The following PRKD1 variants were observed in gnomAD, a reference collection of about 807,000 sequenced individuals.
PRKD1 encodes the protein protein kinase D1.
Under a neutral mutation model 95.9 loss-of-function variants are expected in PRKD1, and 63 were observed. The ratio of observed to expected loss-of-function variants is 0.66; its 90% CI spans 0.54 to 0.81. The LOEUF (loss-of-function observed/expected upper bound fraction) is 0.81. PRKD1 is among the 30% of genes least tolerant of loss of function. PRKD1 has a pLI of 0.00. For synonymous variants in PRKD1, 425 were observed against 423.1 expected, an observed-to-expected ratio of 1.00 and a Z score of -0.05; for missense variants, 1,048 against 1,165.3, an observed-to-expected ratio of 0.90 and a Z score of 1.47.
intron 1 of PRKD1, among the ~76,000 whole-genome samples, chr14:29,759,166 G>C (rs2139482263): frequency 6.6e-6 from 1 of 152,216 alleles, no homozygotes; most frequent in Non-Finnish European, 1.5e-5. Context: ...ATTATATTGA[G>C]ATTAGGTGCA....
intron 1 of PRKD1, among the ~76,000 whole-genome samples, chr14:29,885,981 A>T (rs925243077): frequency 1.8e-4 from 27 of 149,658 alleles, no homozygotes; most frequent in African/African-American, 6.1e-4. Flanking sequence ...AATAAAAAAT[A>T]AAAAAATAAA....
At chr14:29,656,541 C>T (rs1331964365) in intron 4 of PRKD1, 1 of 1,527,020 alleles carries the variant, frequency 6.5e-7, no homozygotes, top group Non-Finnish European at 8.8e-7. Context: ...GGCAAAGGTG[C>T]AGAATCAAAG....
chr14:29,764,886 A>G (rs1888188467), intron 1 of PRKD1, among the ~76,000 whole-genome samples: 2 of 152,212 alleles, frequency 1.3e-5, no homozygotes, highest in Admixed American at 6.5e-5. Context: ...AGATGACCAA[A>G]ATTAAAGTCT....
At chr14:29,654,757 C>G (rs1881739588) in intron 4 of PRKD1, among the ~76,000 whole-genome samples, 1 of 152,160 alleles carries the variant, frequency 6.6e-6, no homozygotes, top group Non-Finnish European at 1.5e-5. Flanking sequence ...AAAGTGTAAA[C>G]TGACCAGGAC....
In PRKD1 at chr14:29,636,628, T is replaced by C. The variant is rs905676766; in HGVS notation, c.986-134A>G. ...GTTCTGTGATGAGTTTATTTTTTAT[T>C]TTTTAACTTTTATTTTAAGTTTAGG... On this transcript the variant is annotated intron_variant, in intron 6 of 17. Coordinates refer to ENST00000331968, the MANE Select transcript of PRKD1 (RefSeq NM_002742.3). The C allele has an allele frequency of 3.5e-6, 3 of 865,574 alleles. No individual in the cohort carries two copies. In the South Asian group the frequency reaches 5.4e-5, roughly 16 times the overall value. 53.6% of individuals were successfully genotyped at this position (865,574 alleles called of 1,614,324 possible). A position where few individuals can be genotyped will look rare whatever the true frequency, so the allele number is the denominator to read the frequency against.
chr14:29,833,473 C>T (rs1042338364), intron 1 of PRKD1, among the ~76,000 whole-genome samples: 2 of 152,116 alleles, frequency 1.3e-5, no homozygotes, highest in Admixed American at 1.3e-4. Context: ...TTCAGCTACC[C>T]AAAATGGGAT....
At chr14:29,704,987 G>A (rs1038869088) in intron 2 of PRKD1, among the ~76,000 whole-genome samples, 33 of 151,990 alleles carry the variant, frequency 2.2e-4, no homozygotes, top group Admixed American at 3.3e-4. Context: ...AATTACCACT[G>A]CATAAAATGC....
chr14:29,686,402 C>CT (rs1377670758), intron 2 of PRKD1, among the ~76,000 whole-genome samples: 3 of 152,168 alleles, frequency 2.0e-5, no homozygotes, highest in Non-Finnish European at 2.9e-5. Context: ...TCTAGCTACT[C>CT]TTGTTAGTCA....
At chr14:29,685,820 A>T (rs1883832067) in intron 2 of PRKD1, among the ~76,000 whole-genome samples, 1 of 152,120 alleles carries the variant, frequency 6.6e-6, no homozygotes, top group Non-Finnish European at 1.5e-5. Flanking sequence ...GTTTATGCTT[A>T]GGAAAAAAAC....
intron 1 of PRKD1, among the ~76,000 whole-genome samples, chr14:29,836,270 G>A (rs543374529): frequency 9.2e-5 from 14 of 152,320 alleles, no homozygotes; most frequent in African/African-American, 1.9e-4. Context: ...TCTATCTGGC[G>A]AACTGTGAAG....
chr14:29,833,812 T>G (rs956152451), intron 1 of PRKD1, among the ~76,000 whole-genome samples: 1 of 151,908 alleles, frequency 6.6e-6, no homozygotes, highest in African/African-American at 2.4e-5. Flanking sequence ...TTCAATTTCA[T>G]ATATAAAAAA....
At chr14:29,868,594 T>TA (rs746070547) in intron 1 of PRKD1, among the ~76,000 whole-genome samples, 2 of 152,156 alleles carry the variant, frequency 1.3e-5, no homozygotes, top group African/African-American at 2.4e-5. Flanking sequence ...ACTTATATAA[T>TA]AGAGGAATGA....
Position 29,618,874 on chromosome 14 carries a change from C to A in PRKD1, c.1905+5278G>T, listed in dbSNP as rs192319541. ...CAGCTCAGGTGCTTTTTCCCAAGAA[C>A]AGAAACAAATCAAAATTTGATCTGA... On this transcript the variant is annotated intron_variant, in intron 13 of 17. Coordinates refer to ENST00000331968, the MANE Select transcript of PRKD1 (RefSeq NM_002742.3). Among the ~76,000 whole-genome samples, 15 of 151,866 alleles carry A rather than the reference C, an allele frequency of 9.9e-5. No homozygotes were observed. The East Asian group carries it at 2.7e-3, about 27-fold the overall frequency.
chr14:29,868,214 A>G (rs1352666036), intron 1 of PRKD1, among the ~76,000 whole-genome samples: 1 of 152,142 alleles, frequency 6.6e-6, no homozygotes, highest in African/African-American at 2.4e-5. Flanking sequence ...CTGATGGTCA[A>G]TCAAGAAAAA....
intron 1 of PRKD1, among the ~76,000 whole-genome samples, chr14:29,760,068 G>A (rs1456136693): frequency 6.6e-6 from 1 of 152,134 alleles, no homozygotes; most frequent in Non-Finnish European, 1.5e-5. Context: ...CCAGTTAATG[G>A]GCAAGAATCA....
chr14:29,871,200 G>A (rs45475697), intron 1 of PRKD1, among the ~76,000 whole-genome samples: 3 of 152,132 alleles, frequency 2.0e-5, no homozygotes, highest in Non-Finnish European at 4.4e-5. Context: ...AGCAACAATT[G>A]GAAATGACAT....
chr14:29,684,143 GT>G (rs11285857), intron 2 of PRKD1, among the ~76,000 whole-genome samples: 58,636 of 135,572 alleles, frequency 0.43, 11,398 homozygotes, highest in African/African-American at 0.62. Flanking sequence ...CTTTAGAATG[GT>G]TTTTTTTTTT....
At chr14:29,736,856 A>G (rs2139423882) in intron 1 of PRKD1, among the ~76,000 whole-genome samples, 1 of 152,352 alleles carries the variant, frequency 6.6e-6, no homozygotes, top group South Asian at 2.1e-4. Context: ...TAGAATAAAT[A>G]CATGTTTTAA....
At chr14:29,609,698 G>A (rs1051693146) in intron 13 of PRKD1, among the ~76,000 whole-genome samples, 4 of 138,032 alleles carry the variant, frequency 2.9e-5, no homozygotes, top group African/African-American at 5.4e-5. Flanking sequence ...GCACCACCAC[G>A]CCCAGCTATT....
Sources: gnomAD v4.1 joint callset for allele counts (sites outside exome capture counted in the v4.1 genomes callset) on GRCh38, gnomAD v4.1.1 for gene constraint, MANE v1.5 for transcripts, NCBI Gene and HGNC (gene_info 2026-07-23, HGNC 2026-07-21) for gene names.